TAS2R1: variants seen among roughly 807,000 people sequenced by gnomAD.
The protein encoded by TAS2R1 is taste 2 receptor member 1.
For missense variants in TAS2R1, 370 were observed against 353.4 expected (o/e 1.05, Z -0.38); for synonymous variants, 141 against 134.2 (o/e 1.05, Z -0.35).
chr5:9,658,246 G>A (rs1740455659), intron 2 of TAS2R1, among the ~76,000 whole-genome samples: 1 of 152,184 alleles, frequency 6.6e-6, no homozygotes, highest in African/African-American at 2.4e-5. Flanking sequence ...TGTGAGGGAA[G>A]AATTATTATG....
upstream of TAS2R1, among the ~76,000 whole-genome samples, chr5:9,714,979 A>G (rs905655319): frequency 1.3e-5 from 2 of 152,232 alleles, no homozygotes; most frequent in Non-Finnish European, 2.9e-5. Flanking sequence ...TTGTCAGCCA[A>G]TGGGGAATTG....
the TAS2R1 span, among the ~76,000 whole-genome samples, chr5:9,900,787 AT>A: frequency 6.6e-5 from 10 of 151,072 alleles, no homozygotes; most frequent in South Asian, 4.2e-4. Flanking sequence ...TGCCCGGCTA[AT>A]TTTTTTTTGT....
the TAS2R1 span, among the ~76,000 whole-genome samples, chr5:9,895,814 A>G: frequency 4.6e-4 from 70 of 152,350 alleles, no homozygotes; most frequent in East Asian, 1.2e-3. Context: ...TAGAGGCATC[A>G]GTTGCCCTAA....
upstream of TAS2R1, among the ~76,000 whole-genome samples, chr5:9,631,452 G>A (rs1169387899): frequency 6.6e-6 from 1 of 152,048 alleles, no homozygotes; most frequent in Non-Finnish European, 1.5e-5. Context: ...ACATAGCCCA[G>A]GCTAGCCTTA....
chr5:9,838,098 G>A, the TAS2R1 span, among the ~76,000 whole-genome samples: 1 of 152,226 alleles, frequency 6.6e-6, no homozygotes, highest in Non-Finnish European at 1.5e-5. Context: ...CAGGGCAGGA[G>A]TCTCCAAACC....
chr5:9,857,401 G>A, the TAS2R1 span, among the ~76,000 whole-genome samples: 6 of 152,216 alleles, frequency 3.9e-5, no homozygotes, highest in Admixed American at 2.0e-4. Context: ...GGTATCCAAA[G>A]GGCAATGTAA....
At chr5:9,861,782 G>T in the TAS2R1 span, among the ~76,000 whole-genome samples, 5 of 152,130 alleles carry the variant, frequency 3.3e-5, no homozygotes, top group African/African-American at 1.2e-4. Flanking sequence ...TGAGGGAGTG[G>T]GTTTGTACAG....
At chr5:9,803,407 T>C in the TAS2R1 span, among the ~76,000 whole-genome samples, 1 of 152,136 alleles carries the variant, frequency 6.6e-6, no homozygotes, top group African/African-American at 2.4e-5. Context: ...GGGAAATTCA[T>C]CACAAGAAGT....
intron 1 of TAS2R1, among the ~76,000 whole-genome samples, chr5:9,691,392 G>A (rs767218514): frequency 2.0e-5 from 3 of 152,230 alleles, no homozygotes; most frequent in Admixed American, 6.5e-5. Context: ...CCAGAACTGT[G>A]AGAGTATAAG....
the TAS2R1 span, among the ~76,000 whole-genome samples, chr5:9,841,393 A>G: frequency 6.6e-6 from 1 of 152,178 alleles, no homozygotes; most frequent in African/African-American, 2.4e-5. Context: ...ACATACATTC[A>G]GCATTCCACT....
the TAS2R1 span, among the ~76,000 whole-genome samples, chr5:9,789,285 A>G: frequency 2.0e-5 from 3 of 152,204 alleles, no homozygotes; most frequent in African/African-American, 7.2e-5. Flanking sequence ...CTCTGCAGGA[A>G]CAGTTTGACT....
chr5:9,837,925 C>T, the TAS2R1 span, among the ~76,000 whole-genome samples: 3 of 152,268 alleles, frequency 2.0e-5, no homozygotes, highest in South Asian at 4.1e-4. Flanking sequence ...ACTGTCTGCT[C>T]GCCATTGAGT....
rs141608986 is a variant in TAS2R1, at chr5:9,654,882, G to A, written c.-81+4539C>T. 1.3e-3 allele frequency among the ~76,000 whole-genome samples: 203 copies of A among 152,268 alleles called. 2 individuals are homozygous for A. The highest frequency in any genetic ancestry group is 4.6e-3 in the African/African-American group (190 of 41,574). On this transcript the variant is annotated intron_variant, in intron 2 of 2. Transcript: ENST00000506620. ...AAGTTAAACATACATTGTGTCTGTG[G>A]TCCAGCAATTCTACTCCTGTTATTT...
chr5:9,627,992 A>G lies in TAS2R1; in HGVS notation c.*1141T>C, dbSNP rs1415620575. On this transcript the variant is annotated 3_prime_UTR_variant, in exon 1 of 1. Transcript: ENST00000382492. The stretch of plus-strand genomic sequence containing the variant: ...TGGTGATTGAAAAATCTAAACCTAA[A>G]CCTGCTTTGCATCATCACGCCTGAA... 6.6e-6 allele frequency among the ~76,000 whole-genome samples: 1 copy of G among 152,062 alleles called. No homozygotes were observed. Among genetic ancestry groups the G allele is most frequent in the Non-Finnish European group, 1.5e-5 (1 of 68,006 alleles).
At chr5:9,739,367 T>C in the TAS2R1 span, among the ~76,000 whole-genome samples, 1 of 152,286 alleles carries the variant, frequency 6.6e-6, no homozygotes, top group Admixed American at 6.5e-5. Flanking sequence ...AGGACAGGTG[T>C]TAACTAACCT....
chr5:9,729,127 G>A, the TAS2R1 span, among the ~76,000 whole-genome samples: 1 of 152,206 alleles, frequency 6.6e-6, no homozygotes, highest in Non-Finnish European at 1.5e-5. Flanking sequence ...GGTTAGCTGG[G>A]TTGGACCCCA....
At chr5:9,867,936 G>A in the TAS2R1 span, among the ~76,000 whole-genome samples, 1 of 152,178 alleles carries the variant, frequency 6.6e-6, no homozygotes, top group African/African-American at 2.4e-5. Flanking sequence ...ATCCAGCAGG[G>A]CAGTCAAATC....
At chr5:9,886,057 A>G in the TAS2R1 span, among the ~76,000 whole-genome samples, 1 of 146,776 alleles carries the variant, frequency 6.8e-6, no homozygotes, top group Non-Finnish European at 1.5e-5. Flanking sequence ...TTGGAGACGG[A>G]GTCTTGCTCT....
At chr5:9,692,725 C>T (rs1433791184) in intron 1 of TAS2R1, among the ~76,000 whole-genome samples, 1 of 152,192 alleles carries the variant, frequency 6.6e-6, no homozygotes, top group East Asian at 1.9e-4. Context: ...GCCAGGCCTC[C>T]TTGGATAAGC....
Sources: gnomAD v4.1 joint callset for allele counts (sites outside exome capture counted in the v4.1 genomes callset) on GRCh38, gnomAD v4.1.1 for gene constraint, MANE v1.5 for transcripts, NCBI Gene and HGNC (gene_info 2026-07-23, HGNC 2026-07-21) for gene names.